SLC9C1: variants seen among roughly 807,000 people sequenced by gnomAD.
SLC9C1 encodes the protein sodium/hydrogen exchanger 10.
SLC9C1 carries 97 observed loss-of-function variants against 140.9 expected under a neutral mutation model. The ratio of observed to expected loss-of-function variants is 0.69; its 90% CI spans 0.58 to 0.82. The LOEUF (loss-of-function observed/expected upper bound fraction) is 0.82. Among genes scored for constraint, SLC9C1 ranks in the 40% least tolerant of loss-of-function variants. The pLI is 0.00. For missense variants in SLC9C1, 1,340 were observed against 1,389.3 expected (o/e 0.96, Z 0.56); for synonymous variants, 440 against 442.6 (o/e 0.99, Z 0.07).
intron 20 of SLC9C1, among the ~76,000 whole-genome samples, chr3:112,188,919 C>T (rs535572932): frequency 2.1e-4 from 32 of 152,200 alleles, no homozygotes; most frequent in East Asian, 5.8e-4. Context: ...TTTTAATGAT[C>T]GCCATTCTAA....
intron 15 of SLC9C1, among the ~76,000 whole-genome samples, chr3:112,214,268 A>T (rs981662921): frequency 2.0e-5 from 3 of 152,372 alleles, no homozygotes; most frequent in African/African-American, 7.2e-5. Flanking sequence ...AAAAATCTAT[A>T]ATTGACACCC....
chr3:112,168,964 A>G lies in SLC9C1; in HGVS notation c.3150T>C (p.Tyr1050=), dbSNP rs775611087. 9 of 1,612,422 alleles carry G rather than the reference A, an allele frequency of 5.6e-6. No homozygotes were observed. Among genetic ancestry groups the G allele is most frequent in the Middle Eastern group, 1.7e-4 (1 of 6,050 alleles). ...KTDIYDENLI[Y]VILIHGAVED... is the part of the protein sequence containing the mutation. ...CTACAGCTCCATGTATGAGGATAAC[A>G]TAGATTAGATTTTCATCATAAATAT... The change falls in exon 25 of 29, where the codon TAT becomes TAC. Residue 1050 remains tyrosine (Y), a synonymous_variant. Transcript: ENST00000305815.
intron 13 of SLC9C1, among the ~76,000 whole-genome samples, chr3:112,221,865 T>G (rs1232436625): frequency 6.6e-6 from 1 of 152,194 alleles, no homozygotes; most frequent in Admixed American, 6.5e-5. Context: ...GTTCCTGGCA[T>G]CCATATGCTG....
intron 28 of SLC9C1, among the ~76,000 whole-genome samples, chr3:112,141,519 CG>C (rs146842388): frequency 0.039 from 5,954 of 152,100 alleles, 128 homozygotes; most frequent in South Asian, 0.074. Context: ...GCCACTGAAG[CG>C]TGCTAAAATG....
chr3:112,273,200 C>T (rs898036764), intron 6 of SLC9C1, among the ~76,000 whole-genome samples: 3 of 151,834 alleles, frequency 2.0e-5, no homozygotes, highest in African/African-American at 7.3e-5. Flanking sequence ...TTGTTGCTCA[C>T]CTTAGTCAAC....
At position 112,271,408 on chromosome 3, in the gene SLC9C1, T is replaced by TATATATATATATATATATATA. The variant is rs2080072721; in HGVS notation, c.614-1332_614-1331insTATATATATATATATATATAT. ...ATTCTACATTGTATATATATATATATATCAAAGCCTCACATTGTACCCCAT... is the reference window on the plus strand; with the variant it reads ...ATTCTACATTGTATATATATATATATATATATATATATATATATATAATCAAAGCCTCACATTGTACCCCAT... On this transcript the variant is annotated intron_variant, in intron 6 of 28. Coordinates refer to ENST00000305815, the MANE Select transcript of SLC9C1 (RefSeq NM_183061.3). Among the ~76,000 whole-genome samples the TATATATATATATATATATATA allele has an allele frequency of 8.0e-5, 12 of 149,498 alleles. No homozygotes were observed. The Admixed American group carries it at 8.1e-4, about 10-fold the overall frequency.
intron 23 of SLC9C1, among the ~76,000 whole-genome samples, chr3:112,176,315 T>C (rs1352298270): frequency 6.6e-6 from 1 of 152,182 alleles, no homozygotes; most frequent in Non-Finnish European, 1.5e-5. Flanking sequence ...TCTCCGTGAA[T>C]TGAGTTGTTT....
chr3:112,197,085 T>C (rs937768921), intron 20 of SLC9C1, among the ~76,000 whole-genome samples: 2 of 152,120 alleles, frequency 1.3e-5, no homozygotes, highest in African/African-American at 2.4e-5. Flanking sequence ...GAGCTGAGGA[T>C]TAGTCTTAGG....
At chr3:112,155,150 A>C in intron 26 of SLC9C1, 101 bp from the exon 27 acceptor site, 2 of 908,824 alleles carry the variant, frequency 2.2e-6, no homozygotes, top group Non-Finnish European at 3.2e-6. Flanking sequence ...AATCACACTC[A>C]GGACCTGTGA....
In SLC9C1 at chr3:112,277,561, T is replaced by C. The variant is rs910822721; in HGVS notation, c.484+134A>G. Reference sequence around the variant, plus strand: ...TAAGCATGACCTCCAGAATCTCTGCTTAATCCTCAACCCCCAATCCCTCAC... The same window carrying C: ...TAAGCATGACCTCCAGAATCTCTGCCTAATCCTCAACCCCCAATCCCTCAC... On this transcript the variant is annotated intron_variant, in intron 5 of 28. Coordinates refer to ENST00000305815, the MANE Select transcript of SLC9C1 (RefSeq NM_183061.3). The C allele has an allele frequency of 3.2e-5, 23 of 721,238 alleles. No individual in the cohort carries two copies. The African/African-American group carries it at 3.9e-4, about 12-fold the overall frequency. 44.7% of individuals were successfully genotyped at this position (721,238 alleles called of 1,614,324 possible).
intron 15 of SLC9C1, 53 bp downstream of exon 15, chr3:112,217,387 CAG>C (rs1264032882): frequency 1.3e-5 from 20 of 1,488,156 alleles, no homozygotes; most frequent in Admixed American, 4.9e-5. Context: ...AAAGAAAAAA[CAG>C]GGAATTTCAA....
chr3:112,153,199 A>G (rs960740910), intron 27 of SLC9C1, among the ~76,000 whole-genome samples: 1 of 152,178 alleles, frequency 6.6e-6, no homozygotes, highest in Admixed American at 6.5e-5. Context: ...CCTGTCATTT[A>G]ACAAACTTTC....
intron 28 of SLC9C1, among the ~76,000 whole-genome samples, chr3:112,141,673 TAAG>T (rs1222381615): frequency 6.6e-6 from 1 of 152,168 alleles, no homozygotes; most frequent in Non-Finnish European, 1.5e-5. Context: ...TAAAGGGTGT[TAAG>T]AAGAAATAAA....
Position 112,264,223 on chromosome 3 carries a change from G to T in SLC9C1, c.999C>A (p.Ile333=), listed in dbSNP as rs766752051. 6.5e-6 allele frequency: 8 copies of T among 1,239,706 alleles called. No homozygotes were observed. The highest frequency in any genetic ancestry group is 3.0e-5 in the Admixed American group (1 of 33,152). The allele number at this position is 1,239,706 out of a possible 1,614,324, so 76.8% of individuals were successfully genotyped here. A position where few individuals can be genotyped will look rare whatever the true frequency, so the allele number is the denominator to read the frequency against. ...ACCTTAAAACAATCAATGTTAAGTA[G>T]ATATTTAATGAATAGTATATATCAA... The part of the protein sequence containing the change: ...EFVDIYYSLN[I]YLTLIVLRFL... Residue 333 remains isoleucine (I), a synonymous_variant, in exon 9 of 29, where the codon ATC becomes ATA. Transcript: ENST00000305815.
chr3:112,160,598 C>G (rs1417348246), intron 26 of SLC9C1, among the ~76,000 whole-genome samples: 42 of 151,754 alleles, frequency 2.8e-4, no homozygotes, highest in Admixed American at 2.8e-3. Context: ...AGGACATGAA[C>G]TCATCATTTT....
intron 13 of SLC9C1, among the ~76,000 whole-genome samples, chr3:112,221,486 T>C (rs560389637): frequency 2.0e-5 from 3 of 152,242 alleles, no homozygotes; most frequent in South Asian, 4.1e-4. Flanking sequence ...ATGGAACTTA[T>C]TGGCAAATGA....
At chr3:112,270,353 C>A (rs1242197861) in intron 6 of SLC9C1, among the ~76,000 whole-genome samples, 1 of 152,162 alleles carries the variant, frequency 6.6e-6, no homozygotes, top group Non-Finnish European at 1.5e-5. Context: ...AATTTACATT[C>A]CCACCAACAG....
Position 112,256,668 on chromosome 3 carries a change from G to A in SLC9C1, c.1197+6256C>T, listed in dbSNP as rs140250935. Among the ~76,000 whole-genome samples the A allele has an allele frequency of 8.8e-3, 1,337 of 152,236 alleles. 16 individuals carry two copies. Among genetic ancestry groups the A allele is most frequent in the Admixed American group, 0.026 (397 of 15,280 alleles). On this transcript the variant is annotated intron_variant, in intron 10 of 28. Transcript: ENST00000305815. ...TTGAATACTGGCACAAGACAAGGAT[G>A]CCCTCTCTCACCAGTCCTACTCATT...
At chr3:112,141,333 C>A in intron 28 of SLC9C1, 52 bp from the exon 29 acceptor site, 2 of 1,547,692 alleles carry the variant, frequency 1.3e-6, no homozygotes, top group South Asian at 1.2e-5. Context: ...TTGAATCTTT[C>A]AATATTGACT....
Sources: allele counts gnomAD v4.1 joint callset (sites outside exome capture counted in the v4.1 genomes callset), GRCh38; gene constraint gnomAD v4.1.1; transcripts MANE v1.5; gene names NCBI Gene and HGNC (gene_info 2026-07-23, HGNC 2026-07-21).